Variants in EXOC4 observed in about 807,000 individuals in gnomAD.
EXOC4 encodes the protein SEC8-like 1.
EXOC4 carries 71 observed loss-of-function variants against 107.2 expected under a neutral mutation model. The observed-to-expected ratio is 0.66, with a 90% CI of 0.55 to 0.81. The LOEUF is 0.81. EXOC4 is among the 30% of genes least tolerant of loss of function. EXOC4 has a pLI of 0.00. For synonymous variants in EXOC4, 456 were observed against 441.2 expected (o/e 1.03, Z -0.42); for missense variants, 1,108 against 1,189.6 (o/e 0.93, Z 1.01).
chr7:133,975,797 A>G (rs1793819685), intron 14 of EXOC4, among the ~76,000 whole-genome samples: 2 of 152,156 alleles, frequency 1.3e-5, no homozygotes, highest in South Asian at 4.1e-4. Context: ...ATAACCCAAG[A>G]AGTAGATATC....
At chr7:134,067,170 A>C (rs866605279), downstream of EXOC4, among the ~76,000 whole-genome samples, 34 of 132,962 alleles carry the variant, frequency 2.6e-4, no homozygotes, top group Middle Eastern at 3.7e-3. Flanking sequence ...AAAAAAAAAA[A>C]AAAAGGCCAA....
chr7:133,992,813 G>T (rs1211905230), intron 14 of EXOC4, among the ~76,000 whole-genome samples: 5 of 150,404 alleles, frequency 3.3e-5, no homozygotes, highest in Non-Finnish European at 7.4e-5. Context: ...GTGAAAGTGG[G>T]CATCCTTATC....
At chr7:133,378,794 C>T (rs1232388911) in intron 7 of EXOC4, among the ~76,000 whole-genome samples, 1 of 151,518 alleles carries the variant, frequency 6.6e-6, no homozygotes, top group Non-Finnish European at 1.5e-5. Flanking sequence ...GGAAAAAGAA[C>T]AAGGAAGAAA....
At chr7:133,612,908 A>G (rs1438154697) in intron 9 of EXOC4, among the ~76,000 whole-genome samples, 2 of 152,214 alleles carry the variant, frequency 1.3e-5, no homozygotes, top group African/African-American at 4.8e-5. Context: ...GTACCTGTAC[A>G]TGGTTGGTAC....
the EXOC4 span, among the ~76,000 whole-genome samples, chr7:134,088,295 T>G: frequency 6.6e-6 from 1 of 152,214 alleles, no homozygotes; most frequent in African/African-American, 2.4e-5. Context: ...AACAGATTCT[T>G]ATTGCACTTA....
At chr7:133,843,413 T>C (rs1006081908) in intron 11 of EXOC4, among the ~76,000 whole-genome samples, 2 of 152,206 alleles carry the variant, frequency 1.3e-5, no homozygotes, top group Non-Finnish European at 1.5e-5. Context: ...CCTAGTATTG[T>C]ATTCTTTTTG....
At chr7:133,668,339 A>T (rs1340761311) in intron 10 of EXOC4, among the ~76,000 whole-genome samples, 1 of 152,202 alleles carries the variant, frequency 6.6e-6, no homozygotes, top group African/African-American at 2.4e-5. Context: ...CATTTGCCTA[A>T]TCGCCTGTTT....
At chr7:133,385,004 A>G (rs1796697773) in intron 7 of EXOC4, among the ~76,000 whole-genome samples, 1 of 152,154 alleles carries the variant, frequency 6.6e-6, no homozygotes, top group Admixed American at 6.6e-5. Context: ...AGAAGGTCCA[A>G]GAAGACTTTA....
At chr7:133,739,844 A>G (rs1585114415) in intron 10 of EXOC4, among the ~76,000 whole-genome samples, 2 of 152,308 alleles carry the variant, frequency 1.3e-5, no homozygotes, top group African/African-American at 4.8e-5. Flanking sequence ...GTATTCTGCA[A>G]CCAGGGCTTT....
chr7:134,067,929 A>G (rs918959259), downstream of EXOC4, among the ~76,000 whole-genome samples: 4 of 152,262 alleles, frequency 2.6e-5, no homozygotes, highest in East Asian at 5.8e-4. Context: ...CTGCCCAACT[A>G]GAACATTTTC....
At chr7:133,885,694 A>G (rs1799070425) in intron 11 of EXOC4, among the ~76,000 whole-genome samples, 1 of 152,064 alleles carries the variant, frequency 6.6e-6, no homozygotes, top group Non-Finnish European at 1.5e-5. Context: ...CAAAGATGAG[A>G]GTCATGAGCT....
chr7:133,752,257 A>G (rs912211321), intron 10 of EXOC4, among the ~76,000 whole-genome samples: 2 of 152,192 alleles, frequency 1.3e-5, no homozygotes, highest in African/African-American at 4.8e-5. Flanking sequence ...GCACTTAAGA[A>G]TTTAATTTTA....
Position 133,548,395 on chromosome 7 carries a change from C to T in EXOC4, c.1417+68257C>T, listed in dbSNP as rs1584991274. Among the ~76,000 whole-genome samples the T allele has an allele frequency of 3.9e-5, 6 of 152,244 alleles. No individual in the cohort carries two copies. The South Asian group carries it at 1.2e-3, about 32-fold the overall frequency. ...AACTTTAAGTCACCAGCTGCATTAG[C>T]CTCTAACAAGAGAATCAGCCTGTCC... On this transcript the variant is annotated intron_variant, in intron 9 of 17. Coordinates refer to ENST00000253861, the MANE Select transcript of EXOC4 (RefSeq NM_021807.4).
intron 6 of EXOC4, among the ~76,000 whole-genome samples, chr7:133,368,873 T>A (rs1439107251): frequency 6.6e-6 from 1 of 152,254 alleles, no homozygotes; most frequent in Non-Finnish European, 1.5e-5. Flanking sequence ...GGGCCTTTAC[T>A]AATTCAATTC....
intron 13 of EXOC4, among the ~76,000 whole-genome samples, chr7:133,934,805 A>G (rs1055908655): frequency 6.6e-6 from 1 of 151,892 alleles, no homozygotes. Flanking sequence ...AATATTTACA[A>G]CCTGACTGAG....
At chr7:133,280,086 T>C (rs1794096569) in intron 2 of EXOC4, among the ~76,000 whole-genome samples, 1 of 152,038 alleles carries the variant, frequency 6.6e-6, no homozygotes, top group African/African-American at 2.4e-5. Flanking sequence ...GCCTCTTGAG[T>C]AGGTGGTATT....
intron 10 of EXOC4, among the ~76,000 whole-genome samples, chr7:133,735,370 CAT>C (rs1456105324): frequency 6.6e-6 from 1 of 150,908 alleles, no homozygotes; most frequent in Non-Finnish European, 1.5e-5. Context: ...TTAATCTTAG[CAT>C]ATTGTTTATA....
chr7:133,784,893 A>T (rs1796537683), intron 10 of EXOC4, among the ~76,000 whole-genome samples: 1 of 152,234 alleles, frequency 6.6e-6, no homozygotes, highest in Admixed American at 6.5e-5. Context: ...CCCAAATGCA[A>T]TTAACTGCTT....
intron 11 of EXOC4, among the ~76,000 whole-genome samples, chr7:133,866,423 G>C (rs75976953): frequency 6.6e-6 from 1 of 152,054 alleles, no homozygotes; most frequent in Non-Finnish European, 1.5e-5. Context: ...AAGGAATAGG[G>C]GCACAGGTGT....
Sources: allele counts gnomAD v4.1 joint callset (sites outside exome capture counted in the v4.1 genomes callset), GRCh38; gene constraint gnomAD v4.1.1; transcripts MANE v1.5; gene names NCBI Gene and HGNC (gene_info 2026-07-23, HGNC 2026-07-21).